The following IL4 variants were observed in gnomAD, a reference collection of about 807,000 sequenced individuals.
The protein encoded by IL4 is interleukin 4, also known as interleukin-4.
IL4 carries 10 observed loss-of-function variants against 17.4 expected under a neutral mutation model. The ratio of observed to expected loss-of-function variants is 0.57; its 90% CI spans 0.35 to 0.97. The LOEUF (loss-of-function observed/expected upper bound fraction) is 0.97. Ranked by LOEUF, IL4 falls within the 50% of genes least tolerant of loss-of-function variation. The pLI is 0.01. For missense variants in IL4, 174 were observed against 187.7 expected (o/e 0.93, Z 0.43); for synonymous variants, 87 against 79.0 (o/e 1.10, Z -0.54).
chr5:132,676,407 C>T (rs1752384704), intron 2 of IL4, among the ~76,000 whole-genome samples: 1 of 152,164 alleles, frequency 6.6e-6, no homozygotes, highest in African/African-American at 2.4e-5. Context: ...AGGATCAAAC[C>T]ATCCAGGATG....
At chr5:132,674,206 A>T in intron 1 of IL4, 21 bp downstream of exon 1, 2 of 1,611,868 alleles carry the variant, frequency 1.2e-6, no homozygotes, top group African/African-American at 2.7e-5. Flanking sequence ...ATCTGGCACC[A>T]TCTCTCCAGA....
At chr5:132,674,637 C>A (rs774593493) in intron 2 of IL4, 131 bp downstream of exon 2, 4 of 700,184 alleles carry the variant, frequency 5.7e-6, no homozygotes, top group South Asian at 1.8e-5. Flanking sequence ...TTTCAAAGAA[C>A]GAGAAGTCTG....
chr5:132,675,893 G>GTA (rs751368763), intron 2 of IL4, among the ~76,000 whole-genome samples: 6 of 144,962 alleles, frequency 4.1e-5, no homozygotes, highest in African/African-American at 1.0e-4. Flanking sequence ...ATGTGTGTGT[G>GTA]TATATATATG....
intron 2 of IL4, among the ~76,000 whole-genome samples, chr5:132,675,929 A>ATATGTGTATGTATATGTG (rs150233516): frequency 7.1e-6 from 1 of 140,942 alleles, no homozygotes; most frequent in Non-Finnish European, 1.5e-5. Flanking sequence ...GTGTATGTAT[A>ATATGTGTATGTATATGTG]TGTGTGTGTG....
At chr5:132,675,885 G>GTGTGTA (rs1554103184) in intron 2 of IL4, among the ~76,000 whole-genome samples, 17 of 142,130 alleles carry the variant, frequency 1.2e-4, no homozygotes, top group Admixed American at 1.2e-3. Flanking sequence ...GTGTATATAT[G>GTGTGTA]TGTGTGTGTA....
chr5:132,674,272 G>T, intron 1 of IL4, 87 bp downstream of exon 1: 1 of 1,520,900 alleles, frequency 6.6e-7, no homozygotes, highest in Non-Finnish European at 9.1e-7. Flanking sequence ...AGCTGCTAGA[G>T]AAGTTGGAAC....
chr5:132,673,996 G>A lies in IL4; in HGVS notation c.-55G>A. The A allele has an allele frequency of 6.4e-7, 1 of 1,551,878 alleles. No individual in the cohort carries two copies. ...TATCTTTGTCAGCATTGCATCGTTA[G>A]CTTCTCCTGATAAACTAATTGCCTC... On this transcript the variant is annotated 5_prime_UTR_variant, in exon 1 of 4. Transcript: ENST00000231449.
rs546254661 is a variant in IL4 at position 132,675,471 on chromosome 5, G to C, written c.183+965G>C. Among the ~76,000 whole-genome samples, 996 of 135,702 alleles carry C rather than the reference G, an allele frequency of 7.3e-3. 8 individuals carry two copies. The highest frequency in any genetic ancestry group is 0.012 in the Non-Finnish European group (795 of 66,316). 89.0% of individuals were successfully genotyped at this position (135,702 alleles called of 152,430 possible). A position where few individuals can be genotyped will look rare whatever the true frequency, so the allele number is the denominator to read the frequency against. ...TGCTTCATGAGGGAAACTGCTCTTC[G>C]GGCCTTTAGCTGGACTATCTCATTT... On this transcript the variant is annotated intron_variant, in intron 2 of 3. Transcript: ENST00000231449.
At chr5:132,679,432 T>C (rs546512464) in intron 2 of IL4, among the ~76,000 whole-genome samples, 3 of 152,266 alleles carry the variant, frequency 2.0e-5, no homozygotes, top group East Asian at 3.9e-4. Context: ...CCTCATGGGA[T>C]GACTTTATTC....
chr5:132,675,458 G>C (rs1388880405), intron 2 of IL4, among the ~76,000 whole-genome samples: 1 of 140,274 alleles, frequency 7.1e-6, no homozygotes, highest in Admixed American at 7.1e-5. Context: ...CTTCATGAGG[G>C]AAACTGCTCT....
chr5:132,675,243 G>A lies in IL4; in HGVS notation c.183+737G>A, dbSNP rs537059382. 3.3e-5 allele frequency among the ~76,000 whole-genome samples: 5 copies of A among 152,296 alleles called. No individual in the cohort carries two copies. In the East Asian group the frequency reaches 5.8e-4, roughly 18 times the overall value. ...CTCTGACAAACACATGACTACAGCC[G>A]TATCAATAGTTTTGTGCATTTCAGT... is the stretch of plus-strand genomic sequence containing the variant. On this transcript the variant is annotated intron_variant, in intron 2 of 3. Coordinates refer to ENST00000231449, the MANE Select transcript of IL4 (RefSeq NM_000589.4).
intron 3 of IL4, among the ~76,000 whole-genome samples, chr5:132,682,054 G>A (rs1409054027): frequency 1.3e-5 from 2 of 152,150 alleles, no homozygotes; most frequent in African/African-American, 4.8e-5. Flanking sequence ...TAGGGCTGCT[G>A]TGCTGCGGTG....
At chr5:132,675,291 G>A (rs755195120) in intron 2 of IL4, among the ~76,000 whole-genome samples, 6 of 152,150 alleles carry the variant, frequency 3.9e-5, no homozygotes, top group Admixed American at 1.3e-4. Context: ...GGAAACACAC[G>A]GCTGAGAATG....
chr5:132,678,444 T>A (rs937247438), intron 2 of IL4, among the ~76,000 whole-genome samples: 23 of 152,190 alleles, frequency 1.5e-4, no homozygotes, highest in Non-Finnish European at 2.9e-4. Flanking sequence ...GTGGGATGAG[T>A]GAATGTATTT....
At chr5:132,674,392 C>T (rs1752340082) in intron 1 of IL4, 67 bp from the exon 2 acceptor site, 4 of 1,509,324 alleles carry the variant, frequency 2.7e-6, no homozygotes, top group Non-Finnish European at 3.7e-6. Context: ...AGCTGCTCAT[C>T]AAGGACTTCT....
At position 132,674,450 on chromosome 5, in the gene IL4, T is replaced by C. The variant is rs375188945; in HGVS notation, c.136-9T>C. 6.2e-6 allele frequency: 10 copies of C among 1,613,844 alleles called. No homozygotes were observed. The highest frequency in any genetic ancestry group is 2.2e-5 in the East Asian group (1 of 44,898). On this transcript the variant is annotated splice_polypyrimidine_tract_variant and intron_variant, in intron 1 of 3. Transcript: ENST00000231449. ...TGTCTCTTGCTCTCTCATTTCTGCC[T>C]GGACCAAGACTCTGTGCACCGAGTT...
chr5:132,678,980 C>T (rs945993221), intron 2 of IL4, among the ~76,000 whole-genome samples: 3 of 152,208 alleles, frequency 2.0e-5, no homozygotes, highest in Non-Finnish European at 2.9e-5. Context: ...ATTCTCACTC[C>T]GCATCATTTG....
At chr5:132,677,692 C>A in intron 2 of IL4, 1 of 152,114 alleles carries the variant, frequency 6.6e-6, no homozygotes, top group East Asian at 1.9e-4. Flanking sequence ...TCCAAGCCAG[C>A]GTTTCAGAAA....
intron 2 of IL4, among the ~76,000 whole-genome samples, chr5:132,679,403 A>G (rs1752442323): frequency 6.6e-6 from 1 of 152,194 alleles, no homozygotes; most frequent in African/African-American, 2.4e-5. Context: ...CCTGCATTCT[A>G]GTCCCCACTG....
Sources: gnomAD v4.1 joint callset for allele counts (sites outside exome capture counted in the v4.1 genomes callset) on GRCh38, gnomAD v4.1.1 for gene constraint, MANE v1.5 for transcripts, NCBI Gene and HGNC (gene_info 2026-07-23, HGNC 2026-07-21) for gene names.